PLCL1: variants seen among roughly 807,000 people sequenced by gnomAD.
The protein encoded by PLCL1 is inactive phospholipase C-like protein 1.
Under a neutral mutation model 84.4 loss-of-function variants are expected in PLCL1, and 41 were observed. The observed-to-expected ratio is 0.49, with a 90% CI of 0.38 to 0.63. PLCL1 has a LOEUF of 0.63. PLCL1 is among the 30% of genes least tolerant of loss of function. The pLI, the probability that PLCL1 is intolerant of heterozygous loss-of-function variation, is 0.00. For synonymous variants in PLCL1, 490 were observed against 488.3 expected (o/e 1.00, Z -0.05); for missense variants, 1,206 against 1,367.8 (o/e 0.88, Z 1.87).
chr2:198,104,816 G>A (rs549540954), intron 5 of PLCL1, among the ~76,000 whole-genome samples: 30 of 152,036 alleles, frequency 2.0e-4, no homozygotes, highest in African/African-American at 4.6e-4. Context: ...CTTGTTGGCC[G>A]CGTATATGTC....
intron 1 of PLCL1, among the ~76,000 whole-genome samples, chr2:197,841,267 G>A (rs1038473842): frequency 6.6e-6 from 1 of 152,094 alleles, no homozygotes; most frequent in African/African-American, 2.4e-5. Context: ...CACCCTTTGT[G>A]TTGTCCATTC....
intron 1 of PLCL1, among the ~76,000 whole-genome samples, chr2:197,976,886 T>C (rs1358919520): frequency 6.6e-6 from 1 of 152,202 alleles, no homozygotes; most frequent in Non-Finnish European, 1.5e-5. Flanking sequence ...TTTGCAATCT[T>C]CTCTTGGGCT....
intron 1 of PLCL1, among the ~76,000 whole-genome samples, chr2:198,038,202 G>A (rs1574265357): frequency 6.6e-6 from 1 of 152,072 alleles, no homozygotes; most frequent in Non-Finnish European, 1.5e-5. Flanking sequence ...ACAAAGCAAA[G>A]TGTGTACACA....
intron 1 of PLCL1, among the ~76,000 whole-genome samples, chr2:197,824,530 A>T (rs1443607928): frequency 6.6e-6 from 1 of 151,958 alleles, no homozygotes; most frequent in African/African-American, 2.4e-5. Context: ...CCTGGGAAAC[A>T]TAGTGAGACC....
chr2:197,811,112 C>G (rs1294869676), intron 1 of PLCL1, among the ~76,000 whole-genome samples: 1 of 152,190 alleles, frequency 6.6e-6, no homozygotes, highest in Non-Finnish European at 1.5e-5. Context: ...TTATTCACCT[C>G]CCTATCTATC....
intron 1 of PLCL1, among the ~76,000 whole-genome samples, chr2:197,971,682 C>T (rs1057058719): frequency 1.3e-5 from 2 of 152,198 alleles, no homozygotes; most frequent in Admixed American, 6.5e-5. Flanking sequence ...GATATTACAA[C>T]AGTGGTTACC....
intron 1 of PLCL1, among the ~76,000 whole-genome samples, chr2:197,872,603 C>T (rs1432171905): frequency 6.6e-6 from 1 of 152,044 alleles, no homozygotes; most frequent in Non-Finnish European, 1.5e-5. Context: ...TCATTTTTCC[C>T]ATCTGATGAA....
At chr2:197,818,475 T>G (rs908307998) in intron 1 of PLCL1, among the ~76,000 whole-genome samples, 1 of 152,002 alleles carries the variant, frequency 6.6e-6, no homozygotes, top group Non-Finnish European at 1.5e-5. Flanking sequence ...CTTACCTCAT[T>G]GTAAGGTGAA....
intron 1 of PLCL1, among the ~76,000 whole-genome samples, chr2:198,053,028 G>A (rs534164333): frequency 6.6e-6 from 1 of 152,292 alleles, no homozygotes; most frequent in South Asian, 2.1e-4. Context: ...GGAAAAAGTG[G>A]GATTTTAGGT....
At position 198,145,845 on chromosome 2, in the gene PLCL1, C is replaced by A. The variant is rs13001951; in HGVS notation, c.3106-935C>A. 4.5e-3 allele frequency among the ~76,000 whole-genome samples: 683 copies of A among 152,240 alleles called. 4 individuals carry two copies. Among genetic ancestry groups the A allele is most frequent in the Non-Finnish European group, 5.5e-3 (376 of 68,026 alleles). On this transcript the variant is annotated intron_variant, in intron 5 of 5. Transcript: ENST00000428675. ...AGCCTCTGCTTTGTAGAATAATGCT[C>A]CAGCAATCGTCATAACCCCATATCC...
intron 1 of PLCL1, among the ~76,000 whole-genome samples, chr2:197,941,557 TACTGGCGTGGGCCACTGC>T (rs1158259426): frequency 6.6e-6 from 1 of 152,228 alleles, no homozygotes; most frequent in East Asian, 1.9e-4. Context: ...AGTGTTAGAT[TACTGGCGTGGGCCACTGC>T]ACCTGGCTGG....
chr2:198,095,785 C>T (rs958672861), intron 3 of PLCL1, among the ~76,000 whole-genome samples: 9 of 152,138 alleles, frequency 5.9e-5, no homozygotes, highest in African/African-American at 1.7e-4. Context: ...ATTCTGCAAT[C>T]GTGTTTTTAT....
At chr2:198,130,172 T>C (rs1275562312) in intron 5 of PLCL1, among the ~76,000 whole-genome samples, 3 of 152,090 alleles carry the variant, frequency 2.0e-5, no homozygotes, top group Non-Finnish European at 4.4e-5. Context: ...TTTTATGTTT[T>C]GTAGAGATAG....
intron 1 of PLCL1, among the ~76,000 whole-genome samples, chr2:198,004,420 AT>A (rs1227505605): frequency 2.0e-5 from 3 of 152,198 alleles, no homozygotes; most frequent in African/African-American, 7.2e-5. Context: ...TTGAATGAAT[AT>A]CTTTATTGCA....
rs111554088 is a variant in PLCL1, at chr2:197,973,824, C to G, written c.241-109934C>G. ...TGGATTTTATTGTAAGAGCAGTTAA[C>G]CATTAGAGGGTTTAAACAAGAGAAT... On this transcript the variant is annotated intron_variant, in intron 1 of 5. Coordinates refer to ENST00000428675, the MANE Select transcript of PLCL1 (RefSeq NM_006226.4). 6.3e-3 allele frequency among the ~76,000 whole-genome samples: 952 copies of G among 152,274 alleles called. 11 individuals carry two copies. The highest frequency in any genetic ancestry group is 0.022 in the African/African-American group (908 of 41,548).
intron 1 of PLCL1, among the ~76,000 whole-genome samples, chr2:197,883,456 A>G (rs1687866072): frequency 6.6e-6 from 1 of 152,200 alleles, no homozygotes; most frequent in African/African-American, 2.4e-5. Flanking sequence ...GATTGTTACA[A>G]TAAAGTACTA....
At chr2:197,979,713 C>T (rs531213509) in intron 1 of PLCL1, among the ~76,000 whole-genome samples, 1 of 152,264 alleles carries the variant, frequency 6.6e-6, no homozygotes, top group East Asian at 1.9e-4. Flanking sequence ...GTCTCCTGTC[C>T]CCAGCCACAT....
intron 1 of PLCL1, among the ~76,000 whole-genome samples, chr2:197,958,088 T>C (rs1689527548): frequency 6.6e-6 from 1 of 152,130 alleles, no homozygotes; most frequent in Admixed American, 6.6e-5. Flanking sequence ...CTTTTATATT[T>C]GTATAGTTTC....
intron 1 of PLCL1, among the ~76,000 whole-genome samples, chr2:197,898,106 C>G (rs940328581): frequency 6.6e-6 from 1 of 152,208 alleles, no homozygotes; most frequent in African/African-American, 2.4e-5. Flanking sequence ...GAGTTGTAGT[C>G]TTCTGGCATT....
Sources: allele counts gnomAD v4.1 joint callset (sites outside exome capture counted in the v4.1 genomes callset), GRCh38; gene constraint gnomAD v4.1.1; transcripts MANE v1.5; gene names NCBI Gene and HGNC (gene_info 2026-07-23, HGNC 2026-07-21).